The following MYT1L variants were observed in gnomAD, a reference collection of about 807,000 sequenced individuals.
The protein encoded by MYT1L is myelin transcription factor 1-like protein.
Under a neutral mutation model 126.7 loss-of-function variants are expected in MYT1L, and 12 were observed. The ratio of observed to expected loss-of-function variants is 0.09; its 90% CI spans 0.06 to 0.15. The LOEUF (loss-of-function observed/expected upper bound fraction) is 0.15. Ranked by LOEUF, MYT1L falls within the 10% of genes least tolerant of loss-of-function variation. The pLI, the probability that MYT1L is intolerant of heterozygous loss-of-function variation, is 1.00. For synonymous variants in MYT1L, 541 were observed against 604.2 expected, an observed-to-expected ratio of 0.90 and a Z score of 1.53; for missense variants, 979 against 1,585.2, an observed-to-expected ratio of 0.62 and a Z score of 6.49.
At chr2:2,184,255 G>T (rs2091886691) in intron 2 of MYT1L, among the ~76,000 whole-genome samples, 1 of 152,090 alleles carries the variant, frequency 6.6e-6, no homozygotes, top group Non-Finnish European at 1.5e-5. Context: ...TCTTATTAAT[G>T]ACATACAAAG....
intron 2 of MYT1L, among the ~76,000 whole-genome samples, chr2:2,230,401 T>C (rs1227633901): frequency 6.6e-6 from 1 of 152,196 alleles, no homozygotes; most frequent in Non-Finnish European, 1.5e-5. Context: ...GTATGCTAAG[T>C]AATATGTGAC....
intron 2 of MYT1L, among the ~76,000 whole-genome samples, chr2:2,229,882 C>T (rs1482975294): frequency 1.3e-5 from 2 of 152,150 alleles, no homozygotes; most frequent in Non-Finnish European, 2.9e-5. Flanking sequence ...TCCACCGAAA[C>T]AGAAAACCAC....
chr2:2,026,414 C>T (rs768875275), intron 4 of MYT1L, among the ~76,000 whole-genome samples: 2 of 152,144 alleles, frequency 1.3e-5, no homozygotes, highest in Non-Finnish European at 2.9e-5. Context: ...TGGATCCTGG[C>T]AGCCCTGCAG....
chr2:1,903,658 G>A (rs1206847856), intron 13 of MYT1L, among the ~76,000 whole-genome samples: 3 of 152,140 alleles, frequency 2.0e-5, no homozygotes, highest in Non-Finnish European at 2.9e-5. Flanking sequence ...AAGAGTTGCC[G>A]AATTATACAC....
At chr2:2,262,292 C>T (rs2094989141) in intron 2 of MYT1L, among the ~76,000 whole-genome samples, 1 of 152,074 alleles carries the variant, frequency 6.6e-6, no homozygotes, top group South Asian at 2.1e-4. Context: ...CCATAATATC[C>T]TATCAAGCAA....
At chr2:1,914,951 G>T (rs529574926) in intron 11 of MYT1L, among the ~76,000 whole-genome samples, 2 of 152,176 alleles carry the variant, frequency 1.3e-5, no homozygotes, top group African/African-American at 4.8e-5. Context: ...ACCTCACGGC[G>T]GCCTTGGGGG....
rs749566144 is a variant in MYT1L, at chr2:1,910,364, C to T, written c.1710-17G>A. 1.2e-5 allele frequency: 20 copies of T among 1,604,414 alleles called. No homozygotes were observed. Among genetic ancestry groups the T allele is most frequent in the Admixed American group, 6.7e-5 (4 of 59,976 alleles). The stretch of plus-strand genomic sequence containing the variant: ...CCGGAGAGGCTGCAATCACAGAAAG[C>T]GGGTTGAATGGTCCCGCCTCAAACA... On this transcript the variant is annotated splice_polypyrimidine_tract_variant and intron_variant, in intron 12 of 24. Coordinates refer to ENST00000647738, the MANE Select transcript of MYT1L (RefSeq NM_001303052.2). The surrounding 1 kb of genome is among the most constrained non-coding windows in gnomAD (Gnocchi z 4.8).
At chr2:2,157,347 C>A (rs1220552052) in intron 3 of MYT1L, among the ~76,000 whole-genome samples, 2 of 152,018 alleles carry the variant, frequency 1.3e-5, no homozygotes, top group Non-Finnish European at 2.9e-5. Context: ...ATAATTTTAC[C>A]AAGTACTTAA....
intron 3 of MYT1L, among the ~76,000 whole-genome samples, chr2:2,143,496 T>TA (rs2084364785): frequency 6.6e-6 from 1 of 152,096 alleles, no homozygotes; most frequent in Admixed American, 6.6e-5. Context: ...ACGTTTATCT[T>TA]AGACTCTCAA....
intron 21 of MYT1L, among the ~76,000 whole-genome samples, chr2:1,830,968 C>T (rs1345719867): frequency 1.3e-5 from 2 of 152,206 alleles, no homozygotes; most frequent in East Asian, 1.9e-4. Flanking sequence ...GCTGTCTTCC[C>T]CACATCCTGA....
chr2:1,817,878 A>G (rs2037926314), intron 21 of MYT1L, among the ~76,000 whole-genome samples: 1 of 152,206 alleles, frequency 6.6e-6, no homozygotes, highest in Admixed American at 6.5e-5. Flanking sequence ...ACGCTTCTCC[A>G]ATTAAAGTCA....
At chr2:1,862,787 G>T (rs969687074) in intron 18 of MYT1L, among the ~76,000 whole-genome samples, 1 of 152,146 alleles carries the variant, frequency 6.6e-6, no homozygotes, top group Admixed American at 6.6e-5. Flanking sequence ...TCATATTCTG[G>T]CTCTGGAATC....
intron 3 of MYT1L, among the ~76,000 whole-genome samples, chr2:2,110,713 G>T (rs1436533756): frequency 2.0e-5 from 3 of 151,890 alleles, no homozygotes; most frequent in Non-Finnish European, 4.4e-5. Flanking sequence ...GTCTTTCATG[G>T]TCAAACTCTC....
chr2:2,227,438 C>G (rs1205719697), intron 2 of MYT1L, among the ~76,000 whole-genome samples: 1 of 152,254 alleles, frequency 6.6e-6, no homozygotes, highest in South Asian at 2.1e-4. Context: ...AGACCAGCTG[C>G]CAAACCAGAA....
At chr2:2,182,769 C>G (rs1206948398) in intron 2 of MYT1L, among the ~76,000 whole-genome samples, 1 of 152,138 alleles carries the variant, frequency 6.6e-6, no homozygotes, top group Admixed American at 6.5e-5. Flanking sequence ...GGCTTCCTAC[C>G]AAACACCACC....
intron 4 of MYT1L, among the ~76,000 whole-genome samples, chr2:2,003,326 C>G (rs746630542): frequency 6.6e-6 from 1 of 152,188 alleles, no homozygotes; most frequent in Non-Finnish European, 1.5e-5. Context: ...AGGAGGGTCA[C>G]TTATTAAACA....
intron 5 of MYT1L, among the ~76,000 whole-genome samples, chr2:1,989,528 G>C (rs1483238953): frequency 1.3e-5 from 2 of 152,146 alleles, no homozygotes; most frequent in Non-Finnish European, 2.9e-5. Flanking sequence ...AAATAACAAG[G>C]TTTGATTAAG....
chr2:1,897,053 T>G (rs764731417), intron 14 of MYT1L, among the ~76,000 whole-genome samples: 1 of 152,262 alleles, frequency 6.6e-6, no homozygotes, highest in Non-Finnish European at 1.5e-5. Flanking sequence ...AGTCTTTTGA[T>G]GTGCCTATCA....
chr2:1,843,881 A>G (rs2148443309), intron 19 of MYT1L, among the ~76,000 whole-genome samples: 1 of 152,266 alleles, frequency 6.6e-6, no homozygotes, highest in South Asian at 2.1e-4. Flanking sequence ...AACAGAACAA[A>G]TCTGCAACAA....
Sources: gnomAD v4.1 joint callset for allele counts (sites outside exome capture counted in the v4.1 genomes callset) on GRCh38, gnomAD v4.1.1 for gene constraint, Gnocchi (gnomAD v3.1) non-coding constraint, MANE v1.5 for transcripts, NCBI Gene and HGNC (gene_info 2026-07-23, HGNC 2026-07-21) for gene names.